ASXL2: variants seen among roughly 807,000 people sequenced by gnomAD.
ASXL2 encodes the protein ASXL transcriptional regulator 2, also known as putative Polycomb group protein ASXL2.
A neutral mutation model predicts 122.0 loss-of-function variants in ASXL2; 23 were observed. The ratio of observed to expected loss-of-function variants is 0.19; its 90% CI spans 0.14 to 0.27. The LOEUF is 0.27. ASXL2 is among the 10% of genes least tolerant of loss of function. The probability of loss-of-function intolerance (pLI) is 1.00; values close to 1 mark genes in which losing one functional copy is unlikely to be tolerated. For synonymous variants in ASXL2, 650 were observed against 637.0 expected, an observed-to-expected ratio of 1.02 and a Z score of -0.31; for missense variants, 1,518 against 1,713.8, an observed-to-expected ratio of 0.89 and a Z score of 2.02.
chr2:25,785,090 G>T (rs7560314), intron 5 of ASXL2, among the ~76,000 whole-genome samples: 48,706 of 151,970 alleles, frequency 0.32, 8,333 homozygotes, highest in African/African-American at 0.41. Flanking sequence ...CATTCATGTA[G>T]GTGAATTATA....
At chr2:25,800,130 C>CA (rs941992707) in intron 4 of ASXL2, among the ~76,000 whole-genome samples, 43 of 150,496 alleles carry the variant, frequency 2.9e-4, no homozygotes, top group South Asian at 1.5e-3. Flanking sequence ...CCCACCTCTA[C>CA]AAAAAAAAAT....
chr2:25,749,135 C>T (rs573419623), intron 12 of ASXL2, among the ~76,000 whole-genome samples: 12 of 152,212 alleles, frequency 7.9e-5, no homozygotes, highest in Non-Finnish European at 1.6e-4. Flanking sequence ...TCTCCTCATG[C>T]TTAGTCTCAC....
intron 1 of ASXL2, among the ~76,000 whole-genome samples, chr2:25,846,307 G>A (rs1334207950): frequency 6.6e-6 from 1 of 152,178 alleles, no homozygotes; most frequent in African/African-American, 2.4e-5. Flanking sequence ...AATACCAGCA[G>A]TGGCTAACCT....
intron 1 of ASXL2, among the ~76,000 whole-genome samples, chr2:25,863,328 C>CAAAAAAAAAAAAAAAAA (rs2089861429): frequency 7.0e-6 from 1 of 142,042 alleles, no homozygotes; most frequent in African/African-American, 2.6e-5. Context: ...GACTCCATCT[C>CAAAAAAAAAAAAAAAAA]CAAAAAAAAA....
chr2:25,856,572 T>C lies in ASXL2; in HGVS notation c.58-11009A>G, dbSNP rs997967761. 5.2e-6 allele frequency: 6 copies of C among 1,160,134 alleles called. No homozygotes were observed. In the African/African-American group the frequency reaches 9.1e-5, roughly 18 times the overall value. 71.9% of individuals were successfully genotyped at this position (1,160,134 alleles called of 1,614,324 possible). On this transcript the variant is annotated intron_variant, in intron 1 of 12. Transcript: ENST00000435504. ...GTATTTCGCCAGACGCTCCAAGGGG[T>C]AGGGGGCGCCAGTCTTGATCTGTCC...
At chr2:25,822,462 G>A in intron 3 of ASXL2, 1 of 461,116 alleles carries the variant, frequency 2.2e-6, no homozygotes, top group South Asian at 2.1e-5. Flanking sequence ...CCCCTGCCCT[G>A]TTCACAATGC....
rs1453214169 is a variant in ASXL2 at position 25,878,366 on chromosome 2, G to A, written c.-144C>T. ...AGACCGGGGGGGCACCCAAGCAGAG[G>A]AAGCGGCGGGGGTGGTGCGCGGGGG... On this transcript the variant is annotated 5_prime_UTR_variant, in exon 1 of 13. Transcript: ENST00000435504. The A allele has an allele frequency of 1.2e-5, 8 of 658,594 alleles. No individual in the cohort carries two copies. Among genetic ancestry groups the A allele is most frequent in the Non-Finnish European group, 2.0e-5 (8 of 399,850 alleles). 40.8% of individuals were successfully genotyped at this position (658,594 alleles called of 1,614,324 possible). A position where few individuals can be genotyped will look rare whatever the true frequency, so the allele number is the denominator to read the frequency against.
intron 1 of ASXL2, among the ~76,000 whole-genome samples, chr2:25,845,923 C>T (rs1466484255): frequency 6.6e-6 from 1 of 152,146 alleles, no homozygotes; most frequent in African/African-American, 2.4e-5. Flanking sequence ...TCTGTCTCTC[C>T]CACTGAATGC....
chr2:25,846,115 C>T (rs931170375), intron 1 of ASXL2, among the ~76,000 whole-genome samples: 3 of 152,174 alleles, frequency 2.0e-5, no homozygotes, highest in Non-Finnish European at 4.4e-5. Context: ...AGCCCAAAAC[C>T]CGGAACTGCA....
chr2:25,763,973 T>G (rs2088296810), intron 8 of ASXL2, among the ~76,000 whole-genome samples: 1 of 152,118 alleles, frequency 6.6e-6, no homozygotes, highest in Non-Finnish European at 1.5e-5. Context: ...TATTTGGAAA[T>G]TAACAACAAC....
intron 3 of ASXL2, among the ~76,000 whole-genome samples, chr2:25,826,762 TAAAAAAAAA>T (rs55765302): frequency 2.5e-4 from 17 of 68,088 alleles, no homozygotes; most frequent in Admixed American, 2.2e-4. Context: ...ACTTTCAAGG[TAAAAAAAAA>T]AAAAAAAAAA....
Position 25,840,074 on chromosome 2 carries a change from T to C in ASXL2, c.141-4534A>G, listed in dbSNP as rs564852785. On this transcript the variant is annotated intron_variant, in intron 2 of 12. Transcript: ENST00000435504. ...AGTGCATTAATGCATAAAAACAACA[T>C]AATGGAATACAAAAAGTCACAGATC... Among the ~76,000 whole-genome samples the C allele has an allele frequency of 9.2e-5, 14 of 152,116 alleles. No homozygotes were observed. In the South Asian group the frequency reaches 2.5e-3, roughly 27 times the overall value.
At chr2:25,856,516 A>G (rs1464971204) in intron 1 of ASXL2, 9 of 1,108,942 alleles carry the variant, frequency 8.1e-6, no homozygotes, top group Non-Finnish European at 1.1e-5. Context: ...CTTGTCCCCA[A>G]GAGCCTCCTC....
chr2:25,850,728 T>G (rs1228362046), intron 1 of ASXL2, among the ~76,000 whole-genome samples: 1 of 152,234 alleles, frequency 6.6e-6, no homozygotes, highest in East Asian at 1.9e-4. Context: ...ATCTCCATCA[T>G]TTTATTTAGG....
chr2:25,792,983 C>T (rs1282762400), intron 5 of ASXL2, among the ~76,000 whole-genome samples: 2 of 151,630 alleles, frequency 1.3e-5, no homozygotes, highest in Non-Finnish European at 2.9e-5. Context: ...CCGGGCGTGG[C>T]GGCTCACACC....
In ASXL2 at chr2:25,749,834, T is replaced by G; in HGVS notation, c.1722A>C (p.Gln574His). 1 of 1,610,382 alleles carries G rather than the reference T, an allele frequency of 6.2e-7. No individual in the cohort carries two copies. Among genetic ancestry groups the G allele is most frequent in the Non-Finnish European group, 8.5e-7 (1 of 1,178,940 alleles). ...TCTCCCAGCTCACAGGGGCCTCTTC[T>G]TGGGTGAGGGAAGACTTCCTCTTGA... ...ESLKRKSSLT[Q>H]EEAPVSWEKR... Residue 574 changes from glutamine (Q) to histidine (H), a missense_variant, in exon 12 of 13, where the codon CAA (glutamine) becomes CAC (histidine). Coordinates refer to ENST00000435504, the MANE Select transcript of ASXL2 (RefSeq NM_018263.6).
chr2:25,862,674 A>G (rs1178398294), intron 1 of ASXL2, among the ~76,000 whole-genome samples: 1 of 152,106 alleles, frequency 6.6e-6, no homozygotes, highest in Non-Finnish European at 1.5e-5. Flanking sequence ...ATCTCAGCTC[A>G]CTGCAACCTC....
At chr2:25,777,255 T>A (rs1325997368) in intron 5 of ASXL2, among the ~76,000 whole-genome samples, 3 of 152,030 alleles carry the variant, frequency 2.0e-5, no homozygotes, top group Admixed American at 6.6e-5. Flanking sequence ...ATCCAGGTAA[T>A]TTTTAAGTTT....
At chr2:25,832,140 C>T (rs1000358570) in intron 3 of ASXL2, among the ~76,000 whole-genome samples, 4 of 152,114 alleles carry the variant, frequency 2.6e-5, no homozygotes, top group Admixed American at 2.6e-4. Context: ...ACAGAAAGAA[C>T]AGGAATAGGT....
Sources: gnomAD v4.1 joint callset for allele counts (sites outside exome capture counted in the v4.1 genomes callset) on GRCh38, gnomAD v4.1.1 for gene constraint, MANE v1.5 for transcripts, NCBI Gene and HGNC (gene_info 2026-07-23, HGNC 2026-07-21) for gene names.